Variants in PDZD2 observed in about 807,000 individuals in gnomAD.
The protein encoded by PDZD2 is PDZ domain-containing protein 2.
Under a neutral mutation model 220.7 loss-of-function variants are expected in PDZD2, and 90 were observed. The ratio of observed to expected loss-of-function variants is 0.41; its 90% CI spans 0.34 to 0.49. The LOEUF is 0.49. PDZD2 is among the 20% of genes least tolerant of loss of function. The pLI is 0.28. For missense variants in PDZD2, 3,174 were observed against 3,608.5 expected, an observed-to-expected ratio of 0.88 and a Z score of 3.08; for synonymous variants, 1,375 against 1,450.5, an observed-to-expected ratio of 0.95 and a Z score of 1.18.
In PDZD2 at chr5:32,020,234, A is replaced by T. The variant is rs189817179; in HGVS notation, c.1407+9752A>T. Among the ~76,000 whole-genome samples the T allele has an allele frequency of 1.9e-3, 285 of 152,070 alleles. 1 individual carries two copies. The highest frequency in any genetic ancestry group is 6.6e-3 in the African/African-American group (274 of 41,482). ...TGACCAAGCTGGTCTCAAACTCCTGACCTCGTGATCCGCCTGCCTTGACCT... is the reference window on the plus strand; with the variant it reads ...TGACCAAGCTGGTCTCAAACTCCTGTCCTCGTGATCCGCCTGCCTTGACCT... On this transcript the variant is annotated intron_variant, in intron 6 of 24. Coordinates refer to ENST00000438447, the MANE Select transcript of PDZD2 (RefSeq NM_178140.4).
intron 1 of PDZD2, among the ~76,000 whole-genome samples, chr5:31,746,529 T>C (rs1448913192): frequency 2.0e-5 from 3 of 152,182 alleles, no homozygotes; most frequent in Non-Finnish European, 2.9e-5. Context: ...GGCAAAAATA[T>C]GTTACAAAGG....
intron 7 of PDZD2, among the ~76,000 whole-genome samples, chr5:32,043,770 C>T (rs1299651578): frequency 1.3e-5 from 2 of 152,028 alleles, no homozygotes; most frequent in Non-Finnish European, 1.5e-5. Context: ...TGAGACTACA[C>T]GCGCAGGCTA....
chr5:31,987,671 A>G (rs1750823151), intron 3 of PDZD2, among the ~76,000 whole-genome samples: 1 of 152,192 alleles, frequency 6.6e-6, no homozygotes, highest in Non-Finnish European at 1.5e-5. Flanking sequence ...CCTAAAACTC[A>G]GCACATCATT....
At chr5:31,705,199 CACACACACACAT>C (rs151131362) in intron 1 of PDZD2, among the ~76,000 whole-genome samples, 8,117 of 70,662 alleles carry the variant, frequency 0.11, 255 homozygotes, top group East Asian at 0.29. Flanking sequence ...CACACACACA[CACACACACACAT>C]ACACACTCAC....
intron 2 of PDZD2, among the ~76,000 whole-genome samples, chr5:31,901,189 G>GGGCA (rs1307237557): frequency 1.6e-4 from 24 of 152,160 alleles, no homozygotes; most frequent in African/African-American, 5.8e-4. Flanking sequence ...AGGCTGAGGC[G>GGGCA]GGCAGTTCAC....
intron 2 of PDZD2, among the ~76,000 whole-genome samples, chr5:31,856,668 A>C (rs1331401527): frequency 6.6e-6 from 1 of 152,066 alleles, no homozygotes. Context: ...TGTTCCTGCT[A>C]ATCTCTGTCA....
At chr5:31,779,426 G>C (rs1752927480) in intron 1 of PDZD2, among the ~76,000 whole-genome samples, 1 of 123,134 alleles carries the variant, frequency 8.1e-6, no homozygotes, top group Non-Finnish European at 1.7e-5. Context: ...CCAGGCTGGA[G>C]TGCAGTGGCG....
intron 3 of PDZD2, among the ~76,000 whole-genome samples, chr5:31,984,460 C>T (rs182129031): frequency 5.1e-4 from 78 of 152,312 alleles, no homozygotes; most frequent in Non-Finnish European, 5.7e-4. Flanking sequence ...AAACTGCCTA[C>T]GTGGATGCTG....
In PDZD2 at chr5:32,010,415, C is replaced by A; in HGVS notation, c.1340C>A (p.Thr447Asn). 1 of 1,612,420 alleles carries A rather than the reference C, an allele frequency of 6.2e-7. No homozygotes were observed. ...TSSVEDVSSWTDNEDQEADGE... is the reference protein window; with the variant it reads ...TSSVEDVSSWNDNEDQEADGE... ...TCGGTAGAAGATGTGTCCTCCTGGA[C>A]TGATAACGAAGACCAGGAGGCAGAC... Residue 447 changes from threonine (T) to asparagine (N), a missense_variant, in exon 6 of 25, where the codon ACT (threonine) becomes AAT (asparagine). Physicochemically the swap from Thr to Asn is moderately conservative, Grantham distance 65 (BLOSUM62 0). This residue lies in a region of PDZD2 where 632 missense variants were observed against 708.1 expected (regional missense o/e 0.89). Coordinates refer to ENST00000438447, the MANE Select transcript of PDZD2 (RefSeq NM_178140.4).
intron 6 of PDZD2, among the ~76,000 whole-genome samples, chr5:32,018,327 G>A (rs1753931386): frequency 6.6e-6 from 1 of 152,184 alleles, no homozygotes; most frequent in Admixed American, 6.5e-5. Flanking sequence ...TCCCAGCTAG[G>A]GGCTGGGCGA....
chr5:32,002,895 A>C (rs1581250190), intron 5 of PDZD2, among the ~76,000 whole-genome samples: 1 of 1,726 alleles, frequency 5.8e-4, no homozygotes, highest in African/African-American at 2.1e-3. Context: ...ACACACACCA[A>C]CACACACCCC....
chr5:32,048,268 G>A (rs1045588358), intron 7 of PDZD2, among the ~76,000 whole-genome samples: 1 of 152,112 alleles, frequency 6.6e-6, no homozygotes, highest in African/African-American at 2.4e-5. Context: ...CATCTTATTG[G>A]GAACACACAT....
chr5:31,930,330 C>T (rs548626202), intron 2 of PDZD2, among the ~76,000 whole-genome samples: 1 of 151,674 alleles, frequency 6.6e-6, no homozygotes, highest in Non-Finnish European at 1.5e-5. Flanking sequence ...CTCAGTCTCC[C>T]AAGTAGCTGG....
intron 2 of PDZD2, among the ~76,000 whole-genome samples, chr5:31,961,407 C>T (rs372037866): frequency 6.6e-6 from 1 of 150,646 alleles, no homozygotes; most frequent in Admixed American, 6.6e-5. Flanking sequence ...TGATGGTGTG[C>T]ACCTGTAGTC....
At chr5:31,895,139 C>T (rs988452577) in intron 2 of PDZD2, among the ~76,000 whole-genome samples, 2 of 152,216 alleles carry the variant, frequency 1.3e-5, no homozygotes, top group African/African-American at 4.8e-5. Context: ...CTGCCCTCCT[C>T]GGCCTCCCAA....
intron 2 of PDZD2, among the ~76,000 whole-genome samples, chr5:31,974,908 C>A (rs1325441416): frequency 6.6e-6 from 1 of 152,058 alleles, no homozygotes; most frequent in Non-Finnish European, 1.5e-5. Flanking sequence ...GAGACCGTGT[C>A]TCAGAAACAA....
intron 1 of PDZD2, among the ~76,000 whole-genome samples, chr5:31,740,704 A>G (rs1750208028): frequency 6.6e-6 from 1 of 151,992 alleles, no homozygotes; most frequent in South Asian, 2.1e-4. Flanking sequence ...TGTGGTGTTA[A>G]CTCTTGGTCC....
chr5:31,844,244 T>G (rs1201169960), intron 2 of PDZD2, among the ~76,000 whole-genome samples: 2 of 152,162 alleles, frequency 1.3e-5, no homozygotes, highest in Admixed American at 1.3e-4. Flanking sequence ...TCAAAGTGGT[T>G]GAACTTAATG....
In PDZD2 at chr5:31,714,673, C is replaced by G. The variant is rs571075406; in HGVS notation, c.-361+75236C>G. Among the ~76,000 whole-genome samples, 7 of 152,244 alleles carry G rather than the reference C, an allele frequency of 4.6e-5. No individual in the cohort carries two copies. The South Asian group carries it at 1.4e-3, about 32-fold the overall frequency. On this transcript the variant is annotated intron_variant, in intron 1 of 24. Transcript: ENST00000438447. ...GAATTCCTTTGAGTCATGTACTGCTCTATTTGAGTTCATCTGTTTGGGCAT... is the reference window on the plus strand; with the variant it reads ...GAATTCCTTTGAGTCATGTACTGCTGTATTTGAGTTCATCTGTTTGGGCAT...
Sources: gnomAD v4.1 joint callset for allele counts (sites outside exome capture counted in the v4.1 genomes callset) on GRCh38, gnomAD v4.1.1 for gene constraint, gnomAD v4.1.1 regional missense constraint, MANE v1.5 for transcripts, NCBI Gene and HGNC (gene_info 2026-07-23, HGNC 2026-07-21) for gene names.